IGSF10: variants seen among roughly 807,000 people sequenced by gnomAD.
The protein encoded by IGSF10 is calvaria mechanical force protein 608.
IGSF10 carries 126 observed loss-of-function variants against 128.2 expected under a neutral mutation model. The ratio of observed to expected loss-of-function variants is 0.98; its 90% CI spans 0.85 to 1.14. IGSF10 has a LOEUF of 1.14. Ranked by LOEUF, IGSF10 falls within the 50% of genes most tolerant of loss-of-function variation. The probability of loss-of-function intolerance (pLI) is 0.00; values close to 1 mark genes in which losing one functional copy is unlikely to be tolerated. For synonymous variants in IGSF10, 1,185 were observed against 1,146.2 expected, an observed-to-expected ratio of 1.03 and a Z score of -0.68; for missense variants, 3,295 against 3,149.8, an observed-to-expected ratio of 1.05 and a Z score of -1.10.
chr3:151,456,081 G>A (rs916408499), intron 4 of IGSF10, among the ~76,000 whole-genome samples: 35 of 152,158 alleles, frequency 2.3e-4, no homozygotes, highest in Non-Finnish European at 1.0e-4. Context: ...AAATTTGGTC[G>A]AGAGAATAAA....
chr3:151,585,730 A>G, the IGSF10 span, among the ~76,000 whole-genome samples: 1 of 149,924 alleles, frequency 6.7e-6, no homozygotes, highest in African/African-American at 2.5e-5. Flanking sequence ...CTAATAAGAT[A>G]TAATATATTT....
chr3:151,617,552 TTGAG>T, the IGSF10 span, among the ~76,000 whole-genome samples: 1,887 of 152,202 alleles, frequency 0.012, 42 homozygotes, highest in African/African-American at 0.043. Context: ...GAATTGTCAC[TTGAG>T]TATCACCCAT....
the IGSF10 span, among the ~76,000 whole-genome samples, chr3:151,610,313 C>T: frequency 6.6e-6 from 1 of 152,152 alleles, no homozygotes; most frequent in Non-Finnish European, 1.5e-5. Context: ...CAATACAGAG[C>T]ATGATGCCAT....
chr3:151,551,460 A>G, the IGSF10 span, among the ~76,000 whole-genome samples: 1 of 150,484 alleles, frequency 6.6e-6, no homozygotes, highest in Admixed American at 6.7e-5. Context: ...CGCATTTTTG[A>G]TCTGAGTTCA....
At chr3:151,467,210 C>T in the IGSF10 span, among the ~76,000 whole-genome samples, 1 of 152,160 alleles carries the variant, frequency 6.6e-6, no homozygotes, top group Non-Finnish European at 1.5e-5. Flanking sequence ...TGCCTATATA[C>T]TGAGTCCACT....
At position 151,437,813 on chromosome 3, in the gene IGSF10, T is replaced by C. The variant is rs1445874403; in HGVS notation, c.6748A>G (p.Thr2250Ala). Residue 2250 changes from threonine to alanine, a missense_variant, in exon 8 of 8, where the codon ACA (threonine) becomes GCA (alanine). Coordinates refer to ENST00000282466, the MANE Select transcript of IGSF10 (RefSeq NM_178822.5). The stretch of plus-strand genomic sequence containing the variant: ...TGTTTTTTGGAATGTCTCACAGCTG[T>C]GGCTTTAATAACAGTTCTGTTTGTA... Reference protein sequence around the residue: ...LYTNRTVIKATAVRHSKKHFD... With the variant: ...LYTNRTVIKAAAVRHSKKHFD... 6.2e-7 allele frequency: 1 copy of C among 1,613,960 alleles called. No individual in the cohort carries two copies. The highest frequency in any genetic ancestry group is 8.5e-7 in the Non-Finnish European group (1 of 1,179,988).
chr3:151,486,679 C>T, the IGSF10 span, among the ~76,000 whole-genome samples: 1 of 152,168 alleles, frequency 6.6e-6, no homozygotes, highest in Non-Finnish European at 1.5e-5. Flanking sequence ...CGCACAGCTA[C>T]ATGGAAACTG....
At position 151,443,363 on chromosome 3, in the gene IGSF10, G is replaced by C; in HGVS notation, c.5584C>G (p.Leu1862Val). 1.2e-6 allele frequency: 2 copies of C among 1,614,216 alleles called. No homozygotes were observed. Among genetic ancestry groups the C allele is most frequent in the Non-Finnish European group, 1.7e-6 (2 of 1,180,040 alleles). Residue 1862 changes from leucine (L) to valine (V), a missense_variant, in exon 7 of 8, where the codon CTG (leucine) becomes GTG (valine). By Grantham distance (32) the Leu-to-Val change is conservative (BLOSUM62 1). Coordinates refer to ENST00000282466, the MANE Select transcript of IGSF10 (RefSeq NM_178822.5). ...IVGTWGESLK[L>V]PCTAKGTPQP... ...GGAGTTCCTTTTGCAGTACAGGGCA[G>C]TTTTAAACTTTCACCCCAAGTGCCT...
chr3:151,532,972 G>T, the IGSF10 span, among the ~76,000 whole-genome samples: 1 of 151,974 alleles, frequency 6.6e-6, no homozygotes, highest in African/African-American at 2.4e-5. Flanking sequence ...AAAGTCTCAG[G>T]ATACAAAAAT....
chr3:151,444,597 C>A (rs978620203), intron 6 of IGSF10, among the ~76,000 whole-genome samples: 10 of 152,180 alleles, frequency 6.6e-5, no homozygotes, highest in African/African-American at 1.9e-4. Flanking sequence ...AGACGTGAGC[C>A]ACTGTGCTCA....
chr3:151,467,109 G>A, the IGSF10 span, among the ~76,000 whole-genome samples: 1 of 152,172 alleles, frequency 6.6e-6, no homozygotes, highest in Non-Finnish European at 1.5e-5. Flanking sequence ...AAAAGCAAAT[G>A]GAAAGCTTAG....
At chr3:151,539,765 C>CATCTATCTATCTATCTATCT in the IGSF10 span, among the ~76,000 whole-genome samples, 2 of 146,596 alleles carry the variant, frequency 1.4e-5, no homozygotes, top group Non-Finnish European at 3.0e-5. Flanking sequence ...ATTTCAACAG[C>CATCTATCTATCTATCTATCT]ATCTATCTAT....
upstream of IGSF10, among the ~76,000 whole-genome samples, chr3:151,462,576 C>T (rs954583246): frequency 6.6e-6 from 1 of 152,218 alleles, no homozygotes; most frequent in African/African-American, 2.4e-5. Context: ...GAACTCCAGG[C>T]CATGTGGCTT....
the IGSF10 span, among the ~76,000 whole-genome samples, chr3:151,475,023 G>A: frequency 9.2e-5 from 14 of 152,284 alleles, no homozygotes; most frequent in African/African-American, 3.4e-4. Context: ...CTCTTATTAA[G>A]GAGCATGTCT....
the IGSF10 span, among the ~76,000 whole-genome samples, chr3:151,619,859 T>A: frequency 6.6e-6 from 1 of 152,008 alleles, no homozygotes; most frequent in Non-Finnish European, 1.5e-5. Context: ...GTTATGAGAG[T>A]GAGTCTGTTG....
At chr3:151,502,737 T>C in the IGSF10 span, among the ~76,000 whole-genome samples, 1 of 152,066 alleles carries the variant, frequency 6.6e-6, no homozygotes, top group Non-Finnish European at 1.5e-5. Context: ...GACCAACCTC[T>C]TACTAAAAAG....
At chr3:151,451,212 T>C (rs1395395310) in intron 5 of IGSF10, among the ~76,000 whole-genome samples, 1 of 152,132 alleles carries the variant, frequency 6.6e-6, no homozygotes, top group Non-Finnish European at 1.5e-5. Context: ...GGCTCTGGCA[T>C]ACGCTGTTCC....
At position 151,438,465 on chromosome 3, in the gene IGSF10, G is replaced by C. The variant is rs1720585986; in HGVS notation, c.6096C>G (p.Ser2032Arg). 1.9e-6 allele frequency: 3 copies of C among 1,614,082 alleles called. No homozygotes were observed. Among genetic ancestry groups the C allele is most frequent in the Non-Finnish European group, 2.5e-6 (3 of 1,180,004 alleles). ...CAATTTTGGCAGGTTTCAGTCTTAG[G>C]CTAACATGCATCAGTATCAGATCAT... Reference protein sequence around the residue: ...MGDDLILMHVSLRLKPAKIDH... With the variant: ...MGDDLILMHVRLRLKPAKIDH... The change falls in exon 8 of 8, where the codon AGC (serine) becomes AGG (arginine). Residue 2032 changes from serine to arginine, a missense_variant. By Grantham distance (110) the Ser-to-Arg change is moderately radical. Coordinates refer to ENST00000282466, the MANE Select transcript of IGSF10 (RefSeq NM_178822.5).
chr3:151,435,558 G>GT (rs1172346427), downstream of IGSF10: 1 of 152,056 alleles, frequency 6.6e-6, no homozygotes, highest in Non-Finnish European at 1.5e-5. Flanking sequence ...GTAATTCTCG[G>GT]TTTTGTGCAC....
Sources: gnomAD v4.1 joint callset for allele counts (sites outside exome capture counted in the v4.1 genomes callset) on GRCh38, gnomAD v4.1.1 for gene constraint, MANE v1.5 for transcripts, NCBI Gene and HGNC (gene_info 2026-07-23, HGNC 2026-07-21) for gene names.